Variants in OR9Q1 observed in about 807,000 individuals in gnomAD.
OR9Q1 encodes olfactory receptor family 9 subfamily Q member 1.
For synonymous variants in OR9Q1, 153 were observed against 148.6 expected (o/e 1.03, Z -0.22); for missense variants, 374 against 378.8 (o/e 0.99, Z 0.11).
chr11:58,139,373 G>T (rs1854220999), intron 2 of OR9Q1, among the ~76,000 whole-genome samples: 1 of 151,642 alleles, frequency 6.6e-6, no homozygotes, highest in Non-Finnish European at 1.5e-5. Context: ...ATGTTGGTGT[G>T]CTGCACCCAT....
At chr11:58,123,332 TTAA>T (rs1403449506) in intron 2 of OR9Q1, among the ~76,000 whole-genome samples, 12 of 152,194 alleles carry the variant, frequency 7.9e-5, no homozygotes, top group Admixed American at 7.9e-4. Flanking sequence ...GATAACTTGG[TTAA>T]TTTCAACACC....
chr11:58,092,524 A>C (rs755852050), intron 2 of OR9Q1, among the ~76,000 whole-genome samples: 1 of 152,148 alleles, frequency 6.6e-6, no homozygotes, highest in Non-Finnish European at 1.5e-5. Context: ...TTCAAAATAT[A>C]AGTTCATTCA....
chr11:58,063,013 A>G (rs1853395550), intron 2 of OR9Q1, among the ~76,000 whole-genome samples: 1 of 152,160 alleles, frequency 6.6e-6, no homozygotes. Flanking sequence ...GGATAGGGCT[A>G]TGGCCTCACA....
chr11:58,116,734 T>C (rs1474854799), intron 2 of OR9Q1: 1 of 152,198 alleles, frequency 6.6e-6, no homozygotes, highest in African/African-American at 2.4e-5. Flanking sequence ...TTTTATTAGC[T>C]CAACATGGGT....
intron 2 of OR9Q1, among the ~76,000 whole-genome samples, chr11:58,106,983 A>G (rs896975052): frequency 6.6e-6 from 1 of 152,184 alleles, no homozygotes; most frequent in Non-Finnish European, 1.5e-5. Context: ...TGTTCCATAT[A>G]CAATTTCTAT....
At chr11:58,048,516 G>C (rs1187162856) in intron 1 of OR9Q1, among the ~76,000 whole-genome samples, 2 of 145,212 alleles carry the variant, frequency 1.4e-5, no homozygotes, top group Admixed American at 1.4e-4. Context: ...AAAAAAAATA[G>C]CCGGGCATGG....
At chr11:58,072,241 T>C (rs911361586) in intron 2 of OR9Q1, 1 of 152,178 alleles carries the variant, frequency 6.6e-6, no homozygotes, top group African/African-American at 2.4e-5. Flanking sequence ...CTCAATTTAC[T>C]TCGTAGTGTT....
intron 2 of OR9Q1, among the ~76,000 whole-genome samples, chr11:58,111,884 TG>T (rs5792082): frequency 0.99 from 149,908 of 151,984 alleles, 73,971 homozygotes; most frequent in East Asian, 1. Flanking sequence ...GAGTCCTTTT[TG>T]GGGGGGGTGG....
intron 2 of OR9Q1, among the ~76,000 whole-genome samples, chr11:58,105,194 C>G (rs549807053): frequency 7.0e-4 from 107 of 152,054 alleles, no homozygotes; most frequent in African/African-American, 2.1e-3. Context: ...CAGATATTAT[C>G]TTTAAGAAAT....
rs564383734 is a variant in OR9Q1, at chr11:58,036,338, A to G, written c.-93+12234A>G. ...TAGTTCTTCCAAAATATTACTGCTC[A>G]TTGACAATGCACCTGATGACACGAG... is the stretch of plus-strand genomic sequence containing the variant. On this transcript the variant is annotated intron_variant, in intron 1 of 2. Transcript: ENST00000335397. Among the ~76,000 whole-genome samples, 9 of 152,348 alleles carry G rather than the reference A, an allele frequency of 5.9e-5. No individual in the cohort carries two copies. The South Asian group carries it at 1.2e-3, about 21-fold the overall frequency.
intron 2 of OR9Q1, among the ~76,000 whole-genome samples, chr11:58,074,003 T>C (rs528595818): frequency 6.6e-6 from 1 of 152,346 alleles, no homozygotes; most frequent in African/African-American, 2.4e-5. Context: ...TATGGCTGCA[T>C]AGTAGTCCAT....
At position 58,179,574 on chromosome 11, in the gene OR9Q1, G is replaced by C; in HGVS notation, c.130G>C (p.Glu44Gln). 1 of 1,613,870 alleles carries C rather than the reference G, an allele frequency of 6.2e-7. No homozygotes were observed. ...TCTCATCACCGTATTGGGGAACTTA[G>C]AGATGATTATTCTGATCCTCATGGA... ...MYLITVLGNL[E>Q]MIILILMDHQ... The change falls in exon 3 of 3, where the codon GAG (glutamate) becomes CAG (glutamine). Residue 44 changes from glutamate (E) to glutamine (Q), a missense_variant. By Grantham distance (29) the Glu-to-Gln change is conservative. Coordinates refer to ENST00000335397, the MANE Select transcript of OR9Q1 (RefSeq NM_001005212.4).
intron 2 of OR9Q1, among the ~76,000 whole-genome samples, chr11:58,163,085 T>G (rs1854470788): frequency 6.6e-6 from 1 of 152,204 alleles, no homozygotes; most frequent in Admixed American, 6.5e-5. Context: ...ACAATTCCTA[T>G]GGTGAAAATG....
intron 2 of OR9Q1, among the ~76,000 whole-genome samples, chr11:58,137,306 C>T (rs1400622962): frequency 3.9e-5 from 6 of 152,146 alleles, no homozygotes; most frequent in African/African-American, 1.2e-4. Flanking sequence ...TGACTTTTAT[C>T]CTGCAACTTA....
chr11:58,168,385 G>C (rs1854524814), intron 2 of OR9Q1, among the ~76,000 whole-genome samples: 1 of 152,064 alleles, frequency 6.6e-6, no homozygotes, highest in Admixed American at 6.6e-5. Context: ...GACATCTGTG[G>C]TACCATACTG....
intron 2 of OR9Q1, among the ~76,000 whole-genome samples, chr11:58,082,999 C>A (rs1027941717): frequency 6.6e-6 from 1 of 150,926 alleles, no homozygotes; most frequent in Non-Finnish European, 1.5e-5. Context: ...TTTTGCTATG[C>A]AGAAGCTCTT....
At chr11:58,100,241 G>A (rs1482723822) in intron 2 of OR9Q1, among the ~76,000 whole-genome samples, 2 of 152,160 alleles carry the variant, frequency 1.3e-5, no homozygotes, top group Non-Finnish European at 1.5e-5. Context: ...CTCAATGGAA[G>A]GATCTCTAGA....
At chr11:58,118,330 A>G in intron 2 of OR9Q1, 2 of 563,512 alleles carry the variant, frequency 3.5e-6, no homozygotes, top group Non-Finnish European at 6.3e-6. Flanking sequence ...AGAACATGGA[A>G]TTGCTGGAAA....
chr11:58,102,067 T>C (rs562247065), intron 2 of OR9Q1, among the ~76,000 whole-genome samples: 2 of 152,300 alleles, frequency 1.3e-5, no homozygotes, highest in South Asian at 4.1e-4. Flanking sequence ...TTTTTACAGT[T>C]TTGGATCTTA....
Sources: allele counts gnomAD v4.1 joint callset (sites outside exome capture counted in the v4.1 genomes callset), GRCh38; gene constraint gnomAD v4.1.1; transcripts MANE v1.5; gene names NCBI Gene and HGNC (gene_info 2026-07-23, HGNC 2026-07-21).